Variants in MGRN1 observed in about 807,000 individuals in gnomAD.
The protein encoded by MGRN1 is mahogunin ring finger 1, also known as E3 ubiquitin-protein ligase MGRN1.
In MGRN1, 29 loss-of-function variants were observed where a neutral mutation model predicts 69.2. The ratio of observed to expected loss-of-function variants is 0.42; its 90% CI spans 0.31 to 0.57. The LOEUF (loss-of-function observed/expected upper bound fraction) is 0.57, where lower values mean the gene tolerates loss of function less well. MGRN1 is among the 20% of genes least tolerant of loss of function. The pLI is 0.15. For synonymous variants in MGRN1, 470 were observed against 344.2 expected (o/e 1.37, Z -4.04); for missense variants, 998 against 796.2 (o/e 1.25, Z -3.05).
intron 15 of MGRN1, 111 bp from the exon 16 acceptor site, chr16:4,683,732 C>G: frequency 3.5e-6 from 3 of 867,544 alleles, no homozygotes; most frequent in Non-Finnish European, 3.6e-6. Flanking sequence ...AGCCTGGGGT[C>G]CCCACAGTGG....
At chr16:4,626,456 C>T (rs1030176839) in intron 1 of MGRN1, among the ~76,000 whole-genome samples, 5 of 152,206 alleles carry the variant, frequency 3.3e-5, no homozygotes, top group Admixed American at 6.5e-5. Flanking sequence ...GGTTGCTTAA[C>T]CCCCTGGGTC....
intron 7 of MGRN1, among the ~76,000 whole-genome samples, chr16:4,666,220 T>C (rs2078803040): frequency 6.6e-6 from 1 of 152,098 alleles, no homozygotes; most frequent in African/African-American, 2.4e-5. Flanking sequence ...CTTGACCTCC[T>C]GGGCTTAAGG....
At position 4,688,888 on chromosome 16, in the gene MGRN1, G is replaced by C. The variant is rs569219642; in HGVS notation, c.1711G>C (p.Ala571Pro). The C allele has an allele frequency of 3.9e-6, 6 of 1,550,576 alleles. No homozygotes were observed. Among genetic ancestry groups the C allele is most frequent in the African/African-American group, 1.4e-5 (1 of 73,094 alleles). The change falls in exon 17 of 17, where the codon GCC (alanine) becomes CCC (proline). Residue 571 changes from alanine to proline, a missense_variant. Transcript: ENST00000262370. ...LGGPSPDPSA[A>P]ELTPL is the part of the protein sequence containing the mutation. Reference sequence around the variant, plus strand: ...TGGCCCCAGCCCCGATCCCAGCGCCGCCGAGCTGACCCCACTCTGAGAGCC... The same window carrying C: ...TGGCCCCAGCCCCGATCCCAGCGCCCCCGAGCTGACCCCACTCTGAGAGCC...
chr16:4,672,245 C>G (rs2078955269), intron 9 of MGRN1, among the ~76,000 whole-genome samples: 1 of 152,130 alleles, frequency 6.6e-6, no homozygotes. Context: ...TGGGGTTTCA[C>G]TATGTTGGCC....
At chr16:4,655,297 G>A (rs77800703) in intron 4 of MGRN1, among the ~76,000 whole-genome samples, 5,798 of 152,282 alleles carry the variant, frequency 0.038, 376 homozygotes, top group African/African-American at 0.13. Context: ...TGAAGAGAGG[G>A]TCCCGCTGCT....
At chr16:4,652,965 G>C in intron 4 of MGRN1, 141 bp downstream of exon 4, 1 of 1,180,948 alleles carries the variant, frequency 8.5e-7, no homozygotes, top group African/African-American at 1.6e-5. Flanking sequence ...CACGATGTGA[G>C]GGGTTTCTCC....
At chr16:4,675,708 TGAGA>T (rs1195844740) in intron 10 of MGRN1, among the ~76,000 whole-genome samples, 2 of 148,682 alleles carry the variant, frequency 1.3e-5, no homozygotes, top group Non-Finnish European at 3.0e-5. Context: ...CACCCCCGCC[TGAGA>T]GACAGGGGAA....
chr16:4,661,115 G>A (rs1177184004), intron 5 of MGRN1, among the ~76,000 whole-genome samples: 1 of 151,920 alleles, frequency 6.6e-6, no homozygotes, highest in Admixed American at 6.6e-5. Context: ...ACAGTAGCTG[G>A]GACTACAGGT....
chr16:4,664,346 G>A (rs79279939), intron 5 of MGRN1: 6 of 312,612 alleles, frequency 1.9e-5, no homozygotes, highest in Middle Eastern at 1.0e-3. Context: ...GGTGGCTGCC[G>A]GGGGCTGGAG....
At chr16:4,653,559 G>A (rs937707801) in intron 4 of MGRN1, among the ~76,000 whole-genome samples, 2 of 152,210 alleles carry the variant, frequency 1.3e-5, no homozygotes, top group Non-Finnish European at 2.9e-5. Context: ...CACAATCTTG[G>A]CTCACTGCAA....
intron 10 of MGRN1, 83 bp from the exon 11 acceptor site, chr16:4,677,380 G>T (rs1464503405): frequency 9.6e-7 from 1 of 1,037,642 alleles, no homozygotes; most frequent in South Asian, 1.7e-5. Context: ...GTGTGGGGGG[G>T]GTGTTGATCC....
In MGRN1 at chr16:4,689,014, G is replaced by T; in HGVS notation, c.*106G>T. The T allele has an allele frequency of 2.1e-6, 3 of 1,402,576 alleles. No homozygotes were observed. The highest frequency in any genetic ancestry group is 2.8e-6 in the Non-Finnish European group (3 of 1,065,208). 86.9% of individuals were successfully genotyped at this position (1,402,576 alleles called of 1,614,324 possible). A position where few individuals can be genotyped will look rare whatever the true frequency, so the allele number is the denominator to read the frequency against. ...GGCCTCCTGTCTGCATGCCCCCTGTGGCCACCAGGCTCCGAGGGGCCGTGG... is the reference window on the plus strand; with the variant it reads ...GGCCTCCTGTCTGCATGCCCCCTGTTGCCACCAGGCTCCGAGGGGCCGTGG... On this transcript the variant is annotated 3_prime_UTR_variant, in exon 17 of 17. Transcript: ENST00000262370.
At chr16:4,661,380 C>A (rs1413470376) in intron 5 of MGRN1, among the ~76,000 whole-genome samples, 1 of 152,172 alleles carries the variant, frequency 6.6e-6, no homozygotes, top group Non-Finnish European at 1.5e-5. Context: ...CCTGCACCCT[C>A]CAGCCCTCTC....
chr16:4,641,154 C>G (rs1329440866), intron 1 of MGRN1, among the ~76,000 whole-genome samples: 1 of 152,208 alleles, frequency 6.6e-6, no homozygotes, highest in Non-Finnish European at 1.5e-5. Context: ...AGCTGGTGCA[C>G]ATACAAATGT....
intron 1 of MGRN1, among the ~76,000 whole-genome samples, chr16:4,640,996 A>T (rs1486934961): frequency 6.6e-6 from 1 of 152,114 alleles, no homozygotes; most frequent in Admixed American, 6.5e-5. Flanking sequence ...GAAGGCGCTG[A>T]CCTCAGCAGG....
intron 1 of MGRN1, among the ~76,000 whole-genome samples, chr16:4,632,744 C>G (rs978402960): frequency 1.3e-5 from 2 of 151,970 alleles, no homozygotes; most frequent in Admixed American, 1.3e-4. Context: ...CTGTCTAATT[C>G]CAGAACATCT....
rs534104525 is a variant in MGRN1, at chr16:4,625,104, G to C, written c.88+56G>C. On this transcript the variant is annotated intron_variant, in intron 1 of 16. Coordinates refer to ENST00000262370, the MANE Select transcript of MGRN1 (RefSeq NM_015246.4). ...AGGCACGCGCTGGAACGCGGACCCG[G>C]CGGGCGCGGGGGCGGGGACTCGGGG... 2.8e-6 allele frequency: 4 copies of C among 1,434,404 alleles called. No individual in the cohort carries two copies. In the Admixed American group the frequency reaches 1.2e-4, roughly 42 times the overall value. 88.9% of individuals were successfully genotyped at this position (1,434,404 alleles called of 1,614,324 possible). A position where few individuals can be genotyped will look rare whatever the true frequency, so the allele number is the denominator to read the frequency against.
intron 4 of MGRN1, among the ~76,000 whole-genome samples, chr16:4,656,172 A>G (rs759077579): frequency 6.6e-6 from 1 of 152,256 alleles, no homozygotes; most frequent in Non-Finnish European, 1.5e-5. Flanking sequence ...GAGTTTTATC[A>G]GAAATGAAAC....
Position 4,683,909 on chromosome 16 carries a change from C to T in MGRN1, c.1595C>T (p.Pro532Leu), listed in dbSNP as rs961945136. The T allele has an allele frequency of 6.2e-6, 10 of 1,611,902 alleles. No homozygotes were observed. Among genetic ancestry groups the T allele is most frequent in the Non-Finnish European group, 7.6e-6 (9 of 1,179,456 alleles). The change falls in exon 16 of 17, where the codon CCA becomes CTA. Residue 532 changes from proline (P) to leucine (L), a missense_variant. Pro to Leu is a moderately conservative substitution (Grantham distance 98, BLOSUM62 -3). Coordinates refer to ENST00000262370, the MANE Select transcript of MGRN1 (RefSeq NM_015246.4). ...DSSPEHCGRG[P>L]PADIYLPGRP... is the part of the protein sequence containing the mutation. ...AGCCCCGAGCACTGTGGCCGAGGCC[C>T]ACCTGCTGACATCTACCTGCCAGGT...
Sources: gnomAD v4.1 joint callset for allele counts (sites outside exome capture counted in the v4.1 genomes callset) on GRCh38, gnomAD v4.1.1 for gene constraint, MANE v1.5 for transcripts, NCBI Gene and HGNC (gene_info 2026-07-23, HGNC 2026-07-21) for gene names.